SRGAP1: variants seen among roughly 807,000 people sequenced by gnomAD.
The protein encoded by SRGAP1 is SLIT-ROBO Rho GTPase activating protein 1.
A neutral mutation model predicts 121.9 loss-of-function variants in SRGAP1; 43 were observed. The observed-to-expected ratio is 0.35, with a 90% confidence interval of 0.28 to 0.46. The LOEUF is 0.46. SRGAP1 is among the 20% of genes least tolerant of loss of function. The pLI, the probability that SRGAP1 is intolerant of heterozygous loss-of-function variation, is 1.00. For synonymous variants in SRGAP1, 447 were observed against 485.4 expected (o/e 0.92, Z 1.04); for missense variants, 1,102 against 1,350.9 (o/e 0.82, Z 2.89).
intron 1 of SRGAP1, among the ~76,000 whole-genome samples, chr12:63,903,588 C>T (rs1360712481): frequency 6.7e-6 from 1 of 148,656 alleles, no homozygotes; most frequent in Non-Finnish European, 1.5e-5. Flanking sequence ...CAGAGTCTCA[C>T]TCTGTTGCCC....
At chr12:64,024,740 A>G (rs761837777) in intron 4 of SRGAP1, among the ~76,000 whole-genome samples, 24 of 152,212 alleles carry the variant, frequency 1.6e-4, no homozygotes, top group Non-Finnish European at 3.2e-4. Flanking sequence ...GGGAGGGCTC[A>G]GGGAACTTAC....
chr12:64,136,710 A>G (rs2036861832), intron 21 of SRGAP1, among the ~76,000 whole-genome samples: 1 of 152,224 alleles, frequency 6.6e-6, no homozygotes, highest in Non-Finnish European at 1.5e-5. Flanking sequence ...TCTCAGCAAA[A>G]ATCAAAAAGG....
At chr12:64,005,076 TAAAACTC>T (rs1408171647) in intron 3 of SRGAP1, among the ~76,000 whole-genome samples, 1 of 152,146 alleles carries the variant, frequency 6.6e-6, no homozygotes, top group Non-Finnish European at 1.5e-5. Context: ...CAGTACCTCT[TAAAACTC>T]AGAAGAAAAA....
chr12:64,059,486 G>A (rs1316720493), intron 6 of SRGAP1, among the ~76,000 whole-genome samples: 2 of 151,746 alleles, frequency 1.3e-5, no homozygotes, highest in East Asian at 3.9e-4. Flanking sequence ...AATTTTTTAA[G>A]TCCCGTTGGA....
At chr12:64,099,326 C>T in intron 15 of SRGAP1, among the ~76,000 whole-genome samples, 1 of 152,118 alleles carries the variant, frequency 6.6e-6, no homozygotes, top group East Asian at 1.9e-4. Context: ...CAATGGAGTG[C>T]CCACAGTTAG....
intron 1 of SRGAP1, among the ~76,000 whole-genome samples, chr12:63,946,301 T>C (rs2032044963): frequency 6.6e-6 from 1 of 151,652 alleles, no homozygotes; most frequent in South Asian, 2.1e-4. Context: ...TTCTTTTTTT[T>C]TTTTTACAGT....
intron 1 of SRGAP1, among the ~76,000 whole-genome samples, chr12:63,970,763 T>C (rs1488882341): frequency 1.3e-5 from 2 of 152,166 alleles, no homozygotes; most frequent in African/African-American, 4.8e-5. Flanking sequence ...CACAAAACAA[T>C]GTTAAAAATC....
intron 3 of SRGAP1, among the ~76,000 whole-genome samples, chr12:63,993,690 A>G (rs2033618773): frequency 6.6e-6 from 1 of 152,146 alleles, no homozygotes; most frequent in South Asian, 2.1e-4. Flanking sequence ...AGTTTGGAGC[A>G]GGTAATTTCA....
intron 3 of SRGAP1, among the ~76,000 whole-genome samples, chr12:64,004,230 G>A (rs779606410): frequency 4.6e-5 from 7 of 152,038 alleles, no homozygotes; most frequent in African/African-American, 7.2e-5. Context: ...ACAAACATGG[G>A]GTAGGTCAGA....
intron 3 of SRGAP1, among the ~76,000 whole-genome samples, chr12:64,007,075 T>C (rs546607869): frequency 6.6e-6 from 1 of 152,270 alleles, no homozygotes; most frequent in South Asian, 2.1e-4. Context: ...GTGGCCTGTG[T>C]TGCTTCCTAA....
At chr12:63,950,987 A>G (rs1383327742) in intron 1 of SRGAP1, among the ~76,000 whole-genome samples, 3 of 146,708 alleles carry the variant, frequency 2.0e-5, no homozygotes, top group Non-Finnish European at 4.4e-5. Context: ...ATTATATGAC[A>G]ATTGTCTGAT....
chr12:64,032,614 C>T, intron 4 of SRGAP1: 1 of 489,732 alleles, frequency 2.0e-6, no homozygotes, highest in South Asian at 3.2e-5. Flanking sequence ...ACAACAAGCC[C>T]CCACAGTCAC....
intron 1 of SRGAP1, among the ~76,000 whole-genome samples, chr12:63,851,143 G>A (rs1899060930): frequency 6.6e-6 from 1 of 152,164 alleles, no homozygotes; most frequent in South Asian, 2.1e-4. Flanking sequence ...GCCACAGAGC[G>A]AGACTCCATC....
chr12:64,056,076 A>G (rs1476768941), intron 6 of SRGAP1, among the ~76,000 whole-genome samples: 1 of 152,164 alleles, frequency 6.6e-6, no homozygotes, highest in Non-Finnish European at 1.5e-5. Context: ...CATTCTTCTT[A>G]GTCATGTTTT....
intron 1 of SRGAP1, among the ~76,000 whole-genome samples, chr12:63,845,651 C>T (rs1898879140): frequency 6.6e-6 from 1 of 152,048 alleles, no homozygotes; most frequent in African/African-American, 2.4e-5. Context: ...ACTTTCTATG[C>T]CTTGTGATTA....
intron 6 of SRGAP1, among the ~76,000 whole-genome samples, chr12:64,054,569 G>C (rs1230511791): frequency 6.6e-6 from 1 of 152,106 alleles, no homozygotes; most frequent in African/African-American, 2.4e-5. Context: ...ACTCCTATTA[G>C]GAAGATTATG....
intron 3 of SRGAP1, among the ~76,000 whole-genome samples, chr12:64,000,647 G>A (rs1271395853): frequency 2.0e-5 from 3 of 152,094 alleles, no homozygotes; most frequent in African/African-American, 7.2e-5. Flanking sequence ...AGGAAAAGGA[G>A]CCACAAAAAG....
intron 4 of SRGAP1, among the ~76,000 whole-genome samples, chr12:64,017,395 G>T (rs1057434260): frequency 1.9e-4 from 29 of 152,076 alleles, no homozygotes; most frequent in African/African-American, 6.8e-4. Context: ...GCCAGGCGTG[G>T]TGTAATTGCA....
chr12:63,943,370 A>G (rs1330850408), intron 1 of SRGAP1, among the ~76,000 whole-genome samples: 1 of 152,250 alleles, frequency 6.6e-6, no homozygotes, highest in African/African-American at 2.4e-5. Flanking sequence ...AATAGTAACA[A>G]TAACATTCAT....
Sources: gnomAD v4.1 joint callset for allele counts (sites outside exome capture counted in the v4.1 genomes callset) on GRCh38, gnomAD v4.1.1 for gene constraint, MANE v1.5 for transcripts, NCBI Gene and HGNC (gene_info 2026-07-23, HGNC 2026-07-21) for gene names.